Variants in FHIT observed in about 807,000 individuals in gnomAD.
The protein encoded by FHIT is fragile histidine triad diadenosine triphosphatase.
Under a neutral mutation model 17.9 loss-of-function variants are expected in FHIT, and 19 were observed. The ratio of observed to expected loss-of-function variants is 1.06; its 90% CI spans 0.74 to 1.56. The LOEUF (loss-of-function observed/expected upper bound fraction) is 1.56. Among genes scored for constraint, FHIT ranks in the 40% most tolerant of loss-of-function variants. The probability of loss-of-function intolerance (pLI) is 0.00; values close to 1 mark genes in which losing one functional copy is unlikely to be tolerated. For synonymous variants in FHIT, 81 were observed against 69.7 expected (o/e 1.16, Z -0.81); for missense variants, 248 against 189.2 (o/e 1.31, Z -1.82).
At chr3:61,099,643 G>A (rs1048439260) in intron 2 of FHIT, among the ~76,000 whole-genome samples, 1 of 152,032 alleles carries the variant, frequency 6.6e-6, no homozygotes, top group Non-Finnish European at 1.5e-5. Context: ...TCAGTCTTGG[G>A]TGGGTGAACG....
At chr3:60,478,897 G>C (rs1428811938) in intron 5 of FHIT, among the ~76,000 whole-genome samples, 1 of 152,134 alleles carries the variant, frequency 6.6e-6, no homozygotes, top group African/African-American at 2.4e-5. Flanking sequence ...ATAGCACAGA[G>C]TGTGCTATTG....
intron 3 of FHIT, among the ~76,000 whole-genome samples, chr3:60,927,423 G>A (rs1707686535): frequency 6.6e-6 from 1 of 152,076 alleles, no homozygotes; most frequent in Non-Finnish European, 1.5e-5. Flanking sequence ...AGGAAGTGAG[G>A]AGCATCTCTG....
chr3:60,620,861 T>G (rs890210793), intron 4 of FHIT, among the ~76,000 whole-genome samples: 2 of 152,104 alleles, frequency 1.3e-5, no homozygotes, highest in Non-Finnish European at 2.9e-5. Flanking sequence ...ACCACACTAA[T>G]GCAAGTGTTA....
intron 8 of FHIT, among the ~76,000 whole-genome samples, chr3:59,856,520 G>C (rs2106820000): frequency 6.6e-6 from 1 of 152,242 alleles, no homozygotes; most frequent in Admixed American, 6.5e-5. Flanking sequence ...GAAAATTACA[G>C]CCTTCTCTCA....
chr3:60,431,579 A>G (rs1702907198), intron 5 of FHIT, among the ~76,000 whole-genome samples: 1 of 152,132 alleles, frequency 6.6e-6, no homozygotes, highest in African/African-American at 2.4e-5. Flanking sequence ...ATTATTTCAA[A>G]TCATTTAGTA....
chr3:60,837,328 G>C (rs1306556045), intron 3 of FHIT, among the ~76,000 whole-genome samples: 1 of 152,122 alleles, frequency 6.6e-6, no homozygotes, highest in Admixed American at 6.6e-5. Context: ...AAGTTAAGTT[G>C]CCTAGTTACA....
chr3:60,463,675 C>T (rs1487644917), intron 5 of FHIT, among the ~76,000 whole-genome samples: 1 of 152,176 alleles, frequency 6.6e-6, no homozygotes, highest in Non-Finnish European at 1.5e-5. Flanking sequence ...GAGGTTATAG[C>T]ATGCCCAGAG....
chr3:60,128,787 A>G (rs1298445020), intron 5 of FHIT, among the ~76,000 whole-genome samples: 1 of 152,288 alleles, frequency 6.6e-6, no homozygotes, highest in East Asian at 1.9e-4. Flanking sequence ...TGCTCAATGA[A>G]CACTGCACAG....
At chr3:60,814,871 GT>G (rs773354580) in intron 4 of FHIT, among the ~76,000 whole-genome samples, 5 of 147,978 alleles carry the variant, frequency 3.4e-5, no homozygotes, top group Admixed American at 1.3e-4. Context: ...CCAACATGTG[GT>G]TTTTTTTTGT....
chr3:60,236,669 T>C (rs996660992), intron 5 of FHIT, among the ~76,000 whole-genome samples: 19 of 151,360 alleles, frequency 1.3e-4, no homozygotes, highest in Admixed American at 2.6e-4. Context: ...TTAGATGCTA[T>C]TGTCTTGTTT....
chr3:59,751,564 A>T (rs1700903283), intron 9 of FHIT: 2 of 217,754 alleles, frequency 9.2e-6, no homozygotes, highest in African/African-American at 4.5e-5. Context: ...AAGCATTTTG[A>T]CAAGGAAATT....
At chr3:59,979,434 A>G (rs543203772) in intron 7 of FHIT, among the ~76,000 whole-genome samples, 16 of 152,300 alleles carry the variant, frequency 1.1e-4, no homozygotes, top group African/African-American at 3.6e-4. Flanking sequence ...GGGAATGTCT[A>G]GAGTGGAGAC....
chr3:60,741,359 C>G (rs1194191947), intron 4 of FHIT, among the ~76,000 whole-genome samples: 1 of 152,186 alleles, frequency 6.6e-6, no homozygotes, highest in African/African-American at 2.4e-5. Context: ...AGTTTGTAGA[C>G]AGGAACCCTA....
chr3:60,730,483 T>G, intron 4 of FHIT: 1 of 200,206 alleles, frequency 5.0e-6, no homozygotes, highest in South Asian at 1.2e-4. Flanking sequence ...AATCTCCATG[T>G]TGATGCCCAG....
chr3:60,932,728 C>G (rs1418904287), intron 3 of FHIT, among the ~76,000 whole-genome samples: 1 of 152,164 alleles, frequency 6.6e-6, no homozygotes, highest in Non-Finnish European at 1.5e-5. Context: ...TAAATCTACC[C>G]ACACCTCTGT....
chr3:60,122,244 T>C (rs906810357), intron 5 of FHIT, among the ~76,000 whole-genome samples: 1 of 152,190 alleles, frequency 6.6e-6, no homozygotes, highest in Non-Finnish European at 1.5e-5. Flanking sequence ...GTATAATGTT[T>C]GTCATTAACA....
intron 8 of FHIT, among the ~76,000 whole-genome samples, chr3:59,804,555 G>A (rs191578893): frequency 5.9e-5 from 9 of 152,318 alleles, no homozygotes; most frequent in African/African-American, 7.2e-5. Flanking sequence ...CAAGGGCCCC[G>A]TTACAGAATT....
At chr3:59,927,266 A>G (rs1331496575) in intron 7 of FHIT, among the ~76,000 whole-genome samples, 1 of 152,150 alleles carries the variant, frequency 6.6e-6, no homozygotes, top group East Asian at 1.9e-4. Flanking sequence ...ATAGAGAAAG[A>G]AAGATTTGCG....
At chr3:60,752,921 T>C (rs1289772065) in intron 4 of FHIT, among the ~76,000 whole-genome samples, 1 of 152,206 alleles carries the variant, frequency 6.6e-6, no homozygotes, top group Admixed American at 6.5e-5. Flanking sequence ...TCTCTAGGTA[T>C]CCCGTTAGGC....
Sources: allele counts gnomAD v4.1 joint callset (sites outside exome capture counted in the v4.1 genomes callset), GRCh38; gene constraint gnomAD v4.1.1; transcripts MANE v1.5; gene names NCBI Gene and HGNC (gene_info 2026-07-23, HGNC 2026-07-21).